Variants in TLE6 observed in about 807,000 individuals in gnomAD.
The protein encoded by TLE6 is TLE family member 6, subcortical maternal complex member, also known as transducin-like enhancer protein 6.
TLE6 carries 72 observed loss-of-function variants against 77.1 expected under a neutral mutation model. The ratio of observed to expected loss-of-function variants is 0.93; its 90% CI spans 0.77 to 1.14. The LOEUF is 1.14. TLE6 is among the 50% of genes most tolerant of loss of function. The pLI is 0.00. For synonymous variants in TLE6, 366 were observed against 287.3 expected, an observed-to-expected ratio of 1.27 and a Z score of -2.77; for missense variants, 843 against 747.6, an observed-to-expected ratio of 1.13 and a Z score of -1.49.
upstream of TLE6, chr19:2,977,446 A>C (rs1217233080): frequency 7.1e-6 from 1 of 141,372 alleles, no homozygotes; most frequent in African/African-American, 2.5e-5. Flanking sequence ...CTGCGCCTTC[A>C]TTGATCTGCT....
rs1301137041 is a variant in TLE6, at chr19:2,993,501, C to T, written c.1456C>T (p.Leu486=). The T allele has an allele frequency of 4.4e-6, 7 of 1,598,438 alleles. No individual in the cohort carries two copies. The highest frequency in any genetic ancestry group is 1.7e-5 in the Admixed American group (1 of 59,154). Residue 486 remains leucine, a synonymous_variant, in exon 15 of 17, where the codon CTG becomes TTG. Transcript: ENST00000246112. ...LLGMANGQQW[L]QSTSGSQRHM... ...GGGCATGGCCAATGGCCAGCAGTGG[C>T]TGCAAAGCACCAGCGGGAGCCAGCG...
At position 2,986,976 on chromosome 19, in the gene TLE6, G is replaced by C; in HGVS notation, c.286-7G>C. 1 of 1,604,678 alleles carries C rather than the reference G, an allele frequency of 6.2e-7. No homozygotes were observed. The highest frequency in any genetic ancestry group is 8.5e-7 in the Non-Finnish European group (1 of 1,175,400). On this transcript the variant is annotated splice_region_variant and splice_polypyrimidine_tract_variant and intron_variant, in intron 6 of 16. Coordinates refer to ENST00000246112, the MANE Select transcript of TLE6 (RefSeq NM_001143986.2). ...AAGCTCTCACTGCCTTGTTCCTGCCGGGCCAGGTCTCACCTGCTGAACCAG... is the reference window on the plus strand; with the variant it reads ...AAGCTCTCACTGCCTTGTTCCTGCCCGGCCAGGTCTCACCTGCTGAACCAG...
intron 7 of TLE6, 28 bp from the exon 8 acceptor site, chr19:2,987,328 C>G: frequency 6.2e-7 from 1 of 1,614,172 alleles, no homozygotes; most frequent in Non-Finnish European, 8.5e-7. Context: ...CTCTGTCCCC[C>G]TCCTCCTCTC....
Position 2,989,594 on chromosome 19 carries a change from C to G in TLE6, c.1053C>G (p.Thr351=), listed in dbSNP as rs143473767. 3 of 1,613,906 alleles carry G rather than the reference C, an allele frequency of 1.9e-6. No homozygotes were observed. The highest frequency in any genetic ancestry group is 2.5e-6 in the Non-Finnish European group (3 of 1,179,970). Reference sequence around the variant, plus strand: ...CCTCAAACAGCAGGAGCCTGCTCACCGGTGGCTACAACCTGGCCAGCGTGA... The same window carrying G: ...CCTCAAACAGCAGGAGCCTGCTCACGGGTGGCTACAACCTGGCCAGCGTGA... ...LLSSNSRSLL[T]GGYNLASVSV... Residue 351 remains threonine (T), a synonymous_variant, in exon 13 of 17, where the codon ACC becomes ACG. Transcript: ENST00000246112.
chr19:2,981,083 C>A (rs999162367), intron 3 of TLE6, among the ~76,000 whole-genome samples: 1 of 149,180 alleles, frequency 6.7e-6, no homozygotes, highest in African/African-American at 2.5e-5. Flanking sequence ...TGGCGGGGCG[C>A]GGTGGCTCAA....
chr19:2,980,004 A>G, intron 2 of TLE6, 96 bp from the exon 3 acceptor site: 1 of 860,126 alleles, frequency 1.2e-6, no homozygotes, highest in Non-Finnish European at 1.8e-6. Context: ...TTACTTTTGC[A>G]CCAACCTAAT....
chr19:2,981,600 C>T lies in TLE6; in HGVS notation c.180+17C>T. On this transcript the variant is annotated intron_variant, in intron 4 of 16. Coordinates refer to ENST00000246112, the MANE Select transcript of TLE6 (RefSeq NM_001143986.2). Reference sequence around the variant, plus strand: ...TACTACTCGGTGAGCCAGACCCAGGCAGCCCCAACCAAGGAGGGCCCCACT... The same window carrying T: ...TACTACTCGGTGAGCCAGACCCAGGTAGCCCCAACCAAGGAGGGCCCCACT... 6.4e-7 allele frequency: 1 copy of T among 1,551,472 alleles called. No homozygotes were observed.
chr19:2,991,511 C>T (rs1045582072), intron 13 of TLE6, among the ~76,000 whole-genome samples: 6 of 151,116 alleles, frequency 4.0e-5, no homozygotes, highest in African/African-American at 1.5e-4. Flanking sequence ...AAATACAGCA[C>T]ACCACCCGCC....
intron 8 of TLE6, 152 bp from the exon 9 acceptor site, chr19:2,987,572 C>G: frequency 4.5e-6 from 5 of 1,108,086 alleles, no homozygotes; most frequent in Non-Finnish European, 6.7e-6. Context: ...TTCCAGGACC[C>G]TATACCCTGA....
At position 2,989,592 on chromosome 19, in the gene TLE6, A is replaced by G; in HGVS notation, c.1051A>G (p.Thr351Ala). 6.2e-7 allele frequency: 1 copy of G among 1,613,878 alleles called. No individual in the cohort carries two copies. The highest frequency in any genetic ancestry group is 1.3e-5 in the African/African-American group (1 of 75,052). The change falls in exon 13 of 17, where the codon ACC becomes GCC. Residue 351 changes from threonine (T) to alanine (A), a missense_variant. Thr to Ala is a moderately conservative substitution (Grantham distance 58). Coordinates refer to ENST00000246112, the MANE Select transcript of TLE6 (RefSeq NM_001143986.2). ...GTCCTCAAACAGCAGGAGCCTGCTCACCGGTGGCTACAACCTGGCCAGCGT... is the reference window on the plus strand; with the variant it reads ...GTCCTCAAACAGCAGGAGCCTGCTCGCCGGTGGCTACAACCTGGCCAGCGT... ...LLSSNSRSLLTGGYNLASVSV... is the reference protein window; with the variant it reads ...LLSSNSRSLLAGGYNLASVSV...
At chr19:2,991,425 C>CACACAT (rs1300185737) in intron 13 of TLE6, among the ~76,000 whole-genome samples, 209 of 135,528 alleles carry the variant, frequency 1.5e-3, no homozygotes, top group African/African-American at 2.2e-3. Context: ...CACACACACA[C>CACACAT]ATATATATAA....
In TLE6 at chr19:2,987,382, C is replaced by T; in HGVS notation, c.558+10C>T. ...GCAGGCACCAGGCCTGGTGAGTAAA[C>T]AACCTCAGCTCTATCCAGAGGGGTG... is the stretch of plus-strand genomic sequence containing the variant. On this transcript the variant is annotated intron_variant, in intron 8 of 16. Transcript: ENST00000246112. 1 of 1,613,556 alleles carries T rather than the reference C, an allele frequency of 6.2e-7. No individual in the cohort carries two copies. The highest frequency in any genetic ancestry group is 1.1e-5 in the South Asian group (1 of 91,050).
At chr19:2,987,627 G>A in intron 8 of TLE6, 97 bp from the exon 9 acceptor site, 1 of 1,401,008 alleles carries the variant, frequency 7.1e-7, no homozygotes, top group South Asian at 1.2e-5. Flanking sequence ...AGGACCCCAG[G>A]CAGCTGACAA....
Position 2,993,306 on chromosome 19 carries a change from C to T in TLE6, c.1387-126C>T. 5 of 986,064 alleles carry T rather than the reference C, an allele frequency of 5.1e-6. No homozygotes were observed. In the South Asian group the frequency reaches 7.5e-5, roughly 15 times the overall value. 61.1% of individuals were successfully genotyped at this position (986,064 alleles called of 1,614,324 possible). On this transcript the variant is annotated intron_variant, in intron 14 of 16. Coordinates refer to ENST00000246112, the MANE Select transcript of TLE6 (RefSeq NM_001143986.2). Reference sequence around the variant, plus strand: ...GGCACAGATACGAAGTTGCTTGTCCCAGGGCTGCACAGCTAGGAAGGGGTC... The same window carrying T: ...GGCACAGATACGAAGTTGCTTGTCCTAGGGCTGCACAGCTAGGAAGGGGTC...
In TLE6 at chr19:2,991,958, C is replaced by T; in HGVS notation, c.1360C>T (p.Pro454Ser). The T allele has an allele frequency of 4.3e-6, 7 of 1,613,882 alleles. No homozygotes were observed. Among genetic ancestry groups the T allele is most frequent in the Admixed American group, 1.7e-5 (1 of 59,946 alleles). ...CTGGGACCAGAGGACCATCATGAAA[C>T]CTCTGGAGTACCAATTCAAGTCTCA... ...RCWDQRTIMK[P>S]LEYQFKSQIM... The change falls in exon 14 of 17, where the codon CCT becomes TCT. Residue 454 changes from proline to serine, a missense_variant. Transcript: ENST00000246112.
At chr19:2,977,417 C>G (rs538423515), upstream of TLE6, 65 of 152,432 alleles carry the variant, frequency 4.3e-4, no homozygotes, top group African/African-American at 1.5e-3. Flanking sequence ...CCCCCGGAGC[C>G]CGAACCCACG....
At chr19:2,994,123 CG>C in intron 16 of TLE6, 28 bp downstream of exon 16, 2 of 1,578,806 alleles carry the variant, frequency 1.3e-6, no homozygotes, top group Non-Finnish European at 1.7e-6. Flanking sequence ...GGGCAGGACC[CG>C]GGGGTGGCCC....
At chr19:2,988,819 G>T (rs2088974644) in intron 11 of TLE6, 2 of 597,228 alleles carry the variant, frequency 3.3e-6, no homozygotes, top group Non-Finnish European at 5.8e-6. Context: ...ATGAATAGGA[G>T]TTCTTCCTCC....
At chr19:2,984,632 T>C (rs1319063021) in intron 5 of TLE6, among the ~76,000 whole-genome samples, 1 of 151,944 alleles carries the variant, frequency 6.6e-6, no homozygotes, top group African/African-American at 2.4e-5. Flanking sequence ...CATGCCTGGC[T>C]AACTTTTATG....
Sources: allele counts gnomAD v4.1 joint callset (sites outside exome capture counted in the v4.1 genomes callset), GRCh38; gene constraint gnomAD v4.1.1; transcripts MANE v1.5; gene names NCBI Gene and HGNC (gene_info 2026-07-23, HGNC 2026-07-21).